AKAP6: variants seen among roughly 807,000 people sequenced by gnomAD.
AKAP6 encodes A-kinase anchoring protein 6, also known as A-kinase anchor protein 6.
AKAP6 carries 58 observed loss-of-function variants against 188.5 expected under a neutral mutation model. The observed-to-expected ratio is 0.31, with a 90% confidence interval of 0.25 to 0.38. The LOEUF is 0.38. AKAP6 is among the 10% of genes least tolerant of loss of function. AKAP6 has a pLI of 1.00. For synonymous variants in AKAP6, 989 were observed against 998.6 expected (o/e 0.99, Z 0.18); for missense variants, 2,710 against 2,740.0 (o/e 0.99, Z 0.24).
chr14:32,828,365 T>C (rs2034728446), intron 13 of AKAP6, among the ~76,000 whole-genome samples: 1 of 152,322 alleles, frequency 6.6e-6, no homozygotes, highest in Non-Finnish European at 1.5e-5. Context: ...AGGTATAATC[T>C]TATCAAACTT....
At chr14:32,728,262 G>T (rs1223256783) in intron 9 of AKAP6, among the ~76,000 whole-genome samples, 1 of 85,724 alleles carries the variant, frequency 1.2e-5, no homozygotes, top group Non-Finnish European at 2.3e-5. Flanking sequence ...ACATTATTTT[G>T]CCAGTAGTTT....
At chr14:32,522,980 G>A (rs1881923656) in intron 2 of AKAP6, among the ~76,000 whole-genome samples, 1 of 152,178 alleles carries the variant, frequency 6.6e-6, no homozygotes, top group East Asian at 1.9e-4. Flanking sequence ...TATACACCAT[G>A]GAATGCTATG....
At chr14:32,332,124 A>C (rs1886552381) in intron 1 of AKAP6, among the ~76,000 whole-genome samples, 1 of 152,088 alleles carries the variant, frequency 6.6e-6, no homozygotes, top group South Asian at 2.1e-4. Flanking sequence ...CACATTTTGC[A>C]AAAACCAGTC....
chr14:32,482,989 G>GTATATA (rs199759517), intron 2 of AKAP6, among the ~76,000 whole-genome samples: 1 of 84,374 alleles, frequency 1.2e-5, no homozygotes, highest in Non-Finnish European at 2.1e-5. Context: ...GTGTGTGTGT[G>GTATATA]TATATATATA....
At chr14:32,801,409 A>G (rs376947801) in intron 12 of AKAP6, among the ~76,000 whole-genome samples, 1 of 152,350 alleles carries the variant, frequency 6.6e-6, no homozygotes, top group East Asian at 1.9e-4. Flanking sequence ...AGTGCGGTTA[A>G]CTTATAACAG....
At chr14:32,354,241 G>C (rs1353067968) in intron 1 of AKAP6, among the ~76,000 whole-genome samples, 2 of 151,384 alleles carry the variant, frequency 1.3e-5, no homozygotes, top group Admixed American at 6.6e-5. Flanking sequence ...AAACAGCATG[G>C]TACTGGTACC....
intron 2 of AKAP6, among the ~76,000 whole-genome samples, chr14:32,453,741 C>T (rs1013294574): frequency 9.3e-5 from 14 of 150,366 alleles, no homozygotes; most frequent in Non-Finnish European, 1.9e-4. Context: ...GGACTACAGG[C>T]GCCCGCCACT....
intron 5 of AKAP6, among the ~76,000 whole-genome samples, chr14:32,582,324 C>T (rs1885013654): frequency 6.6e-6 from 1 of 152,116 alleles, no homozygotes; most frequent in South Asian, 2.1e-4. Flanking sequence ...ATATTGGCCC[C>T]CACTCTCTTC....
At chr14:32,739,698 G>T (rs888191562) in intron 11 of AKAP6, among the ~76,000 whole-genome samples, 1 of 152,014 alleles carries the variant, frequency 6.6e-6, no homozygotes. Context: ...TAAATGACAC[G>T]ATCTCATTCT....
At chr14:32,770,777 A>G (rs777417641) in intron 11 of AKAP6, among the ~76,000 whole-genome samples, 3 of 152,354 alleles carry the variant, frequency 2.0e-5, no homozygotes, top group Non-Finnish European at 4.4e-5. Context: ...ACTTATTTGT[A>G]TAGTTTACTT....
chr14:32,756,657 A>T (rs1410480911), intron 11 of AKAP6, among the ~76,000 whole-genome samples: 1 of 152,088 alleles, frequency 6.6e-6, no homozygotes, highest in Non-Finnish European at 1.5e-5. Flanking sequence ...CCTGGAGGCT[A>T]TCTCTGCAGG....
chr14:32,400,132 A>G (rs982621473), intron 1 of AKAP6, among the ~76,000 whole-genome samples: 12 of 152,182 alleles, frequency 7.9e-5, no homozygotes, highest in African/African-American at 2.9e-4. Context: ...ACATGAGGGC[A>G]GGTCTGTGGT....
intron 9 of AKAP6, among the ~76,000 whole-genome samples, chr14:32,732,111 C>T (rs1425001296): frequency 1.3e-5 from 2 of 151,868 alleles, no homozygotes; most frequent in African/African-American, 4.8e-5. Context: ...AGGTGGACAG[C>T]ACTCTGGAAC....
intron 11 of AKAP6, among the ~76,000 whole-genome samples, chr14:32,743,910 C>T (rs1008857441): frequency 2.0e-5 from 3 of 152,178 alleles, no homozygotes; most frequent in Non-Finnish European, 2.9e-5. Context: ...TGCTCACTAA[C>T]GTCCTTTTCT....
intron 1 of AKAP6, among the ~76,000 whole-genome samples, chr14:32,360,304 T>C (rs1325271987): frequency 6.6e-6 from 1 of 152,034 alleles, no homozygotes; most frequent in Non-Finnish European, 1.5e-5. Flanking sequence ...ATTTTTGTAT[T>C]TTTAGTAGAG....
chr14:32,674,706 C>T (rs1209296635), intron 7 of AKAP6, among the ~76,000 whole-genome samples: 1 of 152,038 alleles, frequency 6.6e-6, no homozygotes, highest in Non-Finnish European at 1.5e-5. Context: ...TCTAAAGAAA[C>T]CCAAGTAGCG....
intron 1 of AKAP6, among the ~76,000 whole-genome samples, chr14:32,372,466 A>G (rs1290596058): frequency 6.6e-6 from 1 of 152,152 alleles, no homozygotes; most frequent in Non-Finnish European, 1.5e-5. Context: ...AGTACTAGTC[A>G]TCCAAATCAA....
intron 1 of AKAP6, among the ~76,000 whole-genome samples, chr14:32,426,489 T>C (rs1027546730): frequency 7.9e-5 from 12 of 152,216 alleles, no homozygotes; most frequent in African/African-American, 2.9e-4. Context: ...TTTCATTTCC[T>C]TTACCTTAAT....
At chr14:32,715,204 AT>A (rs2030122891) in intron 9 of AKAP6, among the ~76,000 whole-genome samples, 1 of 152,068 alleles carries the variant, frequency 6.6e-6, no homozygotes, top group Admixed American at 6.6e-5. Context: ...TTTCACCTGA[AT>A]TCTCTTATTT....
Sources: gnomAD v4.1 joint callset for allele counts (sites outside exome capture counted in the v4.1 genomes callset) on GRCh38, gnomAD v4.1.1 for gene constraint, MANE v1.5 for transcripts, NCBI Gene and HGNC (gene_info 2026-07-23, HGNC 2026-07-21) for gene names.